OLFM3: variants seen among roughly 807,000 people sequenced by gnomAD.
OLFM3 encodes the protein noelin-3.
OLFM3 carries 20 observed loss-of-function variants against 48.6 expected under a neutral mutation model. The ratio of observed to expected loss-of-function variants is 0.41; its 90% CI spans 0.29 to 0.60. The LOEUF (loss-of-function observed/expected upper bound fraction) is 0.60, where lower values mean the gene tolerates loss of function less well. Among genes scored for constraint, OLFM3 ranks in the 20% least tolerant of loss-of-function variants. The pLI is 0.28. For synonymous variants in OLFM3, 222 were observed against 198.1 expected (o/e 1.12, Z -1.01); for missense variants, 437 against 544.3 (o/e 0.80, Z 1.96).
chr1:101,945,291 G>T (rs1659926212), intron 1 of OLFM3, among the ~76,000 whole-genome samples: 1 of 152,124 alleles, frequency 6.6e-6, no homozygotes, highest in South Asian at 2.1e-4. Context: ...ATAAACGAAT[G>T]TGATACGTTC....
intron 1 of OLFM3, among the ~76,000 whole-genome samples, chr1:101,986,168 T>C (rs891573689): frequency 6.6e-6 from 1 of 152,042 alleles, no homozygotes; most frequent in Admixed American, 6.6e-5. Flanking sequence ...GGTTTCACAG[T>C]GTTAGCCAGG....
intron 4 of OLFM3, chr1:101,812,626 T>A (rs1204925005): frequency 2.0e-6 from 2 of 985,528 alleles, no homozygotes; most frequent in African/African-American, 3.5e-5. Context: ...TGGCTTGGGG[T>A]GTCTTTGGCT....
intron 2 of OLFM3, 85 bp downstream of exon 2, chr1:101,836,794 T>C (rs1362532075): frequency 7.3e-7 from 1 of 1,362,792 alleles, no homozygotes; most frequent in African/African-American, 1.5e-5. Context: ...AGAATCCTCT[T>C]CATTATTATC....
intron 1 of OLFM3, among the ~76,000 whole-genome samples, chr1:101,887,193 G>T (rs1657796987): frequency 6.6e-6 from 1 of 151,060 alleles, no homozygotes; most frequent in Admixed American, 6.6e-5. Flanking sequence ...AAAAAGCCAT[G>T]AATCAAAAAA....
intron 1 of OLFM3, among the ~76,000 whole-genome samples, chr1:101,913,719 T>A (rs1658834184): frequency 6.6e-6 from 1 of 151,046 alleles, no homozygotes; most frequent in African/African-American, 2.4e-5. Context: ...ACTATTCAAC[T>A]GTCAAAAAGA....
intron 1 of OLFM3, among the ~76,000 whole-genome samples, chr1:101,956,103 T>TTTTTTTTTTTTAA (rs781231551): frequency 8.4e-5 from 12 of 143,354 alleles, no homozygotes; most frequent in East Asian, 6.3e-4. Flanking sequence ...TTTTTTTTTT[T>TTTTTTTTTTTTAA]AAAAAAAACC....
intron 1 of OLFM3, among the ~76,000 whole-genome samples, chr1:101,929,871 T>C (rs1439623330): frequency 1.3e-5 from 2 of 152,090 alleles, no homozygotes; most frequent in Non-Finnish European, 2.9e-5. Context: ...TTAAAGTACA[T>C]GTAGAAAAGA....
chr1:101,875,490 A>T (rs141235099), intron 1 of OLFM3, among the ~76,000 whole-genome samples: 1 of 152,148 alleles, frequency 6.6e-6, no homozygotes, highest in African/African-American at 2.4e-5. Flanking sequence ...TAGAAGGAAG[A>T]TATAGGAACA....
chr1:101,910,481 A>G (rs923316133), intron 1 of OLFM3, among the ~76,000 whole-genome samples: 1 of 148,714 alleles, frequency 6.7e-6, no homozygotes, highest in Non-Finnish European at 1.5e-5. Context: ...AAAAAAAAAA[A>G]AAAGAAAGAA....
At chr1:101,973,878 T>C (rs1440562069) in intron 1 of OLFM3, among the ~76,000 whole-genome samples, 1 of 152,170 alleles carries the variant, frequency 6.6e-6, no homozygotes, top group Non-Finnish European at 1.5e-5. Flanking sequence ...ATTGGCAGTT[T>C]TGATAAAAAG....
At chr1:101,810,417 G>A (rs531817743) in intron 4 of OLFM3, among the ~76,000 whole-genome samples, 4 of 152,034 alleles carry the variant, frequency 2.6e-5, no homozygotes, top group South Asian at 4.1e-4. Context: ...TTGAAACTGC[G>A]GAGCAGAGCT....
At chr1:101,836,690 T>C (rs1444433147) in intron 2 of OLFM3, among the ~76,000 whole-genome samples, 189 bp downstream of exon 2, 1 of 151,562 alleles carries the variant, frequency 6.6e-6, no homozygotes, top group Non-Finnish European at 1.5e-5. Context: ...TAAAAAGTCA[T>C]AGAAATAGGA....
chr1:101,882,102 C>A (rs1269817244), intron 1 of OLFM3, among the ~76,000 whole-genome samples: 2 of 150,926 alleles, frequency 1.3e-5, no homozygotes, highest in Non-Finnish European at 3.0e-5. Flanking sequence ...CACAGACACA[C>A]ACACATACAC....
At chr1:101,920,961 T>C (rs1440090574) in intron 1 of OLFM3, among the ~76,000 whole-genome samples, 1 of 152,202 alleles carries the variant, frequency 6.6e-6, no homozygotes, top group Non-Finnish European at 1.5e-5. Flanking sequence ...CTTCTACTGT[T>C]ATAAGTACAA....
At chr1:101,859,977 G>C (rs1344630901) in intron 1 of OLFM3, 1 of 152,110 alleles carries the variant, frequency 6.6e-6, no homozygotes, top group East Asian at 1.9e-4. Context: ...AGAAGATGCA[G>C]AAGGAGCTGG....
At chr1:101,883,692 T>A (rs72987978) in intron 1 of OLFM3, among the ~76,000 whole-genome samples, 1 of 151,916 alleles carries the variant, frequency 6.6e-6, no homozygotes, top group Non-Finnish European at 1.5e-5. Context: ...GCCAGAATAA[T>A]ATGAAAAAGA....
At chr1:101,990,320 A>G (rs1028948647) in intron 1 of OLFM3, among the ~76,000 whole-genome samples, 24 of 152,208 alleles carry the variant, frequency 1.6e-4, no homozygotes, top group Non-Finnish European at 1.2e-4. Flanking sequence ...AGGAAACAGC[A>G]AGAGTGAAGG....
intron 1 of OLFM3, among the ~76,000 whole-genome samples, chr1:101,891,333 T>C (rs1200454753): frequency 3.9e-5 from 6 of 151,944 alleles, no homozygotes; most frequent in Non-Finnish European, 8.8e-5. Flanking sequence ...AAATGGTCAG[T>C]AGTTTTGAAA....
chr1:101,936,913 G>T (rs541459112), intron 1 of OLFM3, among the ~76,000 whole-genome samples: 19 of 152,248 alleles, frequency 1.2e-4, no homozygotes, highest in African/African-American at 4.6e-4. Context: ...TTAGCCACAT[G>T]CCGAAGAGTG....
Sources: allele counts gnomAD v4.1 joint callset (sites outside exome capture counted in the v4.1 genomes callset), GRCh38; gene constraint gnomAD v4.1.1; transcripts MANE v1.5; gene names NCBI Gene and HGNC (gene_info 2026-07-23, HGNC 2026-07-21).